FGGY: variants seen among roughly 807,000 people sequenced by gnomAD.
FGGY encodes the protein FGGY carbohydrate kinase domain-containing protein.
Under a neutral mutation model 71.3 loss-of-function variants are expected in FGGY, and 72 were observed. That is an observed-to-expected ratio of 1.01 (90% CI 0.84 to 1.23). The LOEUF (loss-of-function observed/expected upper bound fraction) is 1.23. FGGY is among the 50% of genes most tolerant of loss of function. The pLI is 0.00. For missense variants in FGGY, 668 were observed against 682.3 expected, an observed-to-expected ratio of 0.98 and a Z score of 0.23; for synonymous variants, 251 against 250.3, an observed-to-expected ratio of 1.00 and a Z score of -0.02.
At chr1:59,423,085 A>T (rs1271699912) in intron 5 of FGGY, among the ~76,000 whole-genome samples, 2 of 152,174 alleles carry the variant, frequency 1.3e-5, no homozygotes, top group African/African-American at 2.4e-5. Context: ...ATTGTGTAGC[A>T]GGAGGGGAAA....
chr1:59,565,814 T>A (rs1245195437), intron 8 of FGGY, among the ~76,000 whole-genome samples: 2 of 152,164 alleles, frequency 1.3e-5, no homozygotes, highest in Non-Finnish European at 2.9e-5. Flanking sequence ...TTTTCCCTTT[T>A]TCCCAGTCTT....
chr1:59,691,364 T>C (rs1476236882), intron 14 of FGGY, among the ~76,000 whole-genome samples: 1 of 152,206 alleles, frequency 6.6e-6, no homozygotes, highest in African/African-American at 2.4e-5. Context: ...ACATTGTGTG[T>C]TCCAGGCACG....
intron 2 of FGGY, among the ~76,000 whole-genome samples, chr1:59,338,291 A>G (rs2049997446): frequency 6.6e-6 from 1 of 152,092 alleles, no homozygotes; most frequent in Non-Finnish European, 1.5e-5. Context: ...ATTAGTCTGT[A>G]GTGTCCTTTT....
Position 59,340,062 on chromosome 1 carries a change from C to A in FGGY, c.306C>A (p.Asn102Lys). ...LDKQFHPLPV[N>K]QEGDSHRNVI... is the part of the protein sequence containing the mutation. ...AGCAGTTTCACCCATTACCAGTCAA[C>A]CAGGAAGGTAAGACCATGTCTCTTC... The change falls in exon 3 of 16, where the codon AAC (asparagine) becomes AAA (lysine). Residue 102 changes from asparagine to lysine, a missense_variant. By Grantham distance (94) the Asn-to-Lys change is moderately conservative. Around this residue, in one of 2 missense-constraint regions of FGGY, gnomAD observed 661 missense variants for 661.6 expected, o/e 1.00. Transcript: ENST00000303721. The A allele has an allele frequency of 6.2e-7, 1 of 1,609,258 alleles. No homozygotes were observed. Among genetic ancestry groups the A allele is most frequent in the South Asian group, 1.1e-5 (1 of 90,360 alleles).
At chr1:59,762,376 G>GT (rs2098350234) in intron 15 of FGGY, 127 bp from the exon 16 acceptor site, 4 of 666,778 alleles carry the variant, frequency 6.0e-6, no homozygotes, top group South Asian at 1.9e-5. Flanking sequence ...CCAGGATGCT[G>GT]TAAGCATTCA....
intron 6 of FGGY, among the ~76,000 whole-genome samples, chr1:59,488,553 ATATAT>A (rs937708952): frequency 1.1e-3 from 162 of 148,264 alleles, no homozygotes; most frequent in African/African-American, 2.4e-3. Context: ...TATATATTAT[ATATAT>A]TATATGTATC....
chr1:59,548,660 A>G (rs1558310826), intron 7 of FGGY, among the ~76,000 whole-genome samples: 2 of 152,220 alleles, frequency 1.3e-5, no homozygotes, highest in South Asian at 4.1e-4. Context: ...AATATCCACT[A>G]GCTATATGTT....
chr1:59,744,953 A>T (rs189523384), intron 14 of FGGY, among the ~76,000 whole-genome samples: 2 of 152,186 alleles, frequency 1.3e-5, no homozygotes, highest in African/African-American at 4.8e-5. Flanking sequence ...ATAAACACAT[A>T]ATAAAGAGAG....
In FGGY at chr1:59,512,400, G is replaced by C. The variant is rs373050097; in HGVS notation, c.760G>C (p.Val254Leu). 1.2e-6 allele frequency: 2 copies of C among 1,613,786 alleles called. No individual in the cohort carries two copies. Among genetic ancestry groups the C allele is most frequent in the African/African-American group, 1.3e-5 (1 of 74,910 alleles). Reference protein sequence around the residue: ...RDLGLLPGIAVAASLIDAHAG... With the variant: ...RDLGLLPGIALAASLIDAHAG... The stretch of plus-strand genomic sequence containing the variant: ...CCTTGGCCTTCTCCCTGGGATTGCG[G>C]TCGCAGCTTCACTCATTGATGCCCA... Residue 254 changes from valine to leucine, a missense_variant, in exon 7 of 16, where the codon GTC (valine) becomes CTC (leucine). Coordinates refer to ENST00000303721, the MANE Select transcript of FGGY (RefSeq NM_018291.5).
chr1:59,680,446 C>T (rs1573079855), intron 14 of FGGY, among the ~76,000 whole-genome samples: 1 of 81,062 alleles, frequency 1.2e-5, no homozygotes, highest in African/African-American at 4.1e-5. Context: ...GTTAACAATA[C>T]ATTCTTTTTT....
chr1:59,556,411 C>T (rs563350453), intron 8 of FGGY, among the ~76,000 whole-genome samples: 54 of 152,324 alleles, frequency 3.5e-4, no homozygotes, highest in African/African-American at 1.2e-3. Context: ...TTAATGTACA[C>T]ATTTGGGACC....
intron 6 of FGGY, among the ~76,000 whole-genome samples, chr1:59,490,073 C>A (rs185124254): frequency 1.3e-5 from 2 of 151,992 alleles, no homozygotes; most frequent in African/African-American, 4.8e-5. Flanking sequence ...TTTTAGGAGA[C>A]GGGATTTCAC....
At chr1:59,616,673 G>T (rs114575590) in intron 9 of FGGY, among the ~76,000 whole-genome samples, 183 of 152,110 alleles carry the variant, frequency 1.2e-3, no homozygotes, top group African/African-American at 4.1e-3. Context: ...AATATTAATT[G>T]TAATAATTGT....
chr1:59,452,746 A>G (rs1368174349), intron 5 of FGGY, among the ~76,000 whole-genome samples: 1 of 152,212 alleles, frequency 6.6e-6, no homozygotes, highest in African/African-American at 2.4e-5. Context: ...GCCAACAGCA[A>G]GTGGCCCCTT....
intron 4 of FGGY, among the ~76,000 whole-genome samples, chr1:59,375,864 A>G (rs1326097286): frequency 6.7e-6 from 1 of 149,862 alleles, no homozygotes; most frequent in Non-Finnish European, 1.5e-5. Flanking sequence ...ATGACCACAC[A>G]CAAGATCTAA....
chr1:59,586,913 A>C (rs1253808231), intron 8 of FGGY, among the ~76,000 whole-genome samples: 1 of 152,212 alleles, frequency 6.6e-6, no homozygotes, highest in Non-Finnish European at 1.5e-5. Flanking sequence ...TACCGGGTTC[A>C]TCTCACTAGG....
intron 5 of FGGY, among the ~76,000 whole-genome samples, chr1:59,391,210 G>A (rs1274256151): frequency 6.6e-6 from 1 of 152,100 alleles, no homozygotes; most frequent in African/African-American, 2.4e-5. Context: ...TCCACTGAGG[G>A]GTCTCAGAGA....
chr1:59,483,598 G>T (rs1389503988), intron 6 of FGGY, among the ~76,000 whole-genome samples: 4 of 152,078 alleles, frequency 2.6e-5, no homozygotes, highest in Non-Finnish European at 5.9e-5. Flanking sequence ...TTAGCTTTTT[G>T]AGGTATTTCT....
chr1:59,409,830 C>T (rs1366135965), intron 5 of FGGY, among the ~76,000 whole-genome samples: 3 of 152,046 alleles, frequency 2.0e-5, no homozygotes, highest in African/African-American at 7.3e-5. Context: ...TATGGAGTAT[C>T]CATTATGTGT....
Sources: allele counts gnomAD v4.1 joint callset (sites outside exome capture counted in the v4.1 genomes callset), GRCh38; gene constraint gnomAD v4.1.1; regional missense constraint gnomAD v4.1.1; transcripts MANE v1.5; gene names NCBI Gene and HGNC (gene_info 2026-07-23, HGNC 2026-07-21).